The following PTPRG variants were observed in gnomAD, a reference collection of about 807,000 sequenced individuals.
PTPRG encodes the protein receptor-type tyrosine-protein phosphatase gamma.
Under a neutral mutation model 165.3 loss-of-function variants are expected in PTPRG, and 102 were observed. The observed-to-expected ratio is 0.62, with a 90% CI of 0.53 to 0.73. The LOEUF (loss-of-function observed/expected upper bound fraction) is 0.73, where lower values mean the gene tolerates loss of function less well. Among genes scored for constraint, PTPRG ranks in the 30% least tolerant of loss-of-function variants. The probability of loss-of-function intolerance (pLI) is 0.00; values close to 1 mark genes in which losing one functional copy is unlikely to be tolerated. For missense variants in PTPRG, 1,866 were observed against 1,861.4 expected (o/e 1.00, Z -0.05); for synonymous variants, 675 against 669.5 (o/e 1.01, Z -0.13).
At chr3:61,772,665 T>C (rs1366011397) in intron 2 of PTPRG, among the ~76,000 whole-genome samples, 1 of 152,152 alleles carries the variant, frequency 6.6e-6, no homozygotes, top group Non-Finnish European at 1.5e-5. Context: ...AAAATCCATG[T>C]TTTTAAAAAT....
At chr3:61,725,493 C>A (rs74425441) in intron 1 of PTPRG, among the ~76,000 whole-genome samples, 1 of 152,148 alleles carries the variant, frequency 6.6e-6, no homozygotes. Context: ...TGCCTTTGCA[C>A]CTTTGTCAAA....
chr3:61,964,888 C>T (rs1382003222), intron 2 of PTPRG, among the ~76,000 whole-genome samples: 1 of 152,032 alleles, frequency 6.6e-6, no homozygotes, highest in Non-Finnish European at 1.5e-5. Flanking sequence ...AGATTAGTAT[C>T]TCTTTGAATT....
intron 1 of PTPRG, chr3:61,659,348 A>G (rs1378381593): frequency 1.9e-5 from 19 of 985,134 alleles, no homozygotes; most frequent in Non-Finnish European, 2.3e-5. Flanking sequence ...TTCTTGTTCA[A>G]TTTTCGGGAG....
chr3:62,012,166 A>T (rs4688278), intron 4 of PTPRG, among the ~76,000 whole-genome samples: 2 of 152,102 alleles, frequency 1.3e-5, no homozygotes, highest in African/African-American at 4.8e-5. Context: ...CTTCATGTCA[A>T]CCTTGTGAGA....
intron 1 of PTPRG, among the ~76,000 whole-genome samples, chr3:61,737,951 C>A (rs369193553): frequency 2.0e-5 from 3 of 150,472 alleles, no homozygotes; most frequent in Admixed American, 2.0e-4. Context: ...CTCTGTCGCC[C>A]AGGCTGGAGT....
At chr3:61,970,210 T>C (rs952004601) in intron 2 of PTPRG, among the ~76,000 whole-genome samples, 1 of 151,982 alleles carries the variant, frequency 6.6e-6, no homozygotes, top group Admixed American at 6.5e-5. Context: ...GGTAGCTTTT[T>C]GGATGGCATT....
chr3:61,778,311 C>A (rs1037813303), intron 2 of PTPRG, among the ~76,000 whole-genome samples: 1 of 152,102 alleles, frequency 6.6e-6, no homozygotes, highest in African/African-American at 2.4e-5. Context: ...TTATTGGCCA[C>A]TTGGTGTTCA....
intron 4 of PTPRG, among the ~76,000 whole-genome samples, chr3:62,062,725 A>G (rs955632654): frequency 3.9e-5 from 6 of 152,036 alleles, no homozygotes; most frequent in Admixed American, 1.3e-4. Context: ...CTGGTGGGCA[A>G]TCATGGCTCA....
At chr3:61,802,499 G>T (rs1462183583) in intron 2 of PTPRG, among the ~76,000 whole-genome samples, 1 of 152,214 alleles carries the variant, frequency 6.6e-6, no homozygotes, top group Admixed American at 6.5e-5. Flanking sequence ...TTGTCAAACA[G>T]TTATGCCGGT....
At chr3:61,582,867 C>G (rs924378541) in intron 1 of PTPRG, among the ~76,000 whole-genome samples, 1 of 152,164 alleles carries the variant, frequency 6.6e-6, no homozygotes, top group Non-Finnish European at 1.5e-5. Flanking sequence ...CAAAAAGTCC[C>G]TAAAGCAATG....
At chr3:61,949,453 T>A (rs959566958) in intron 2 of PTPRG, among the ~76,000 whole-genome samples, 18 of 152,144 alleles carry the variant, frequency 1.2e-4, no homozygotes, top group African/African-American at 4.3e-4. Flanking sequence ...GCATTGGTGG[T>A]GGAGAAACCA....
At chr3:62,247,596 C>T (rs1426771150) in intron 15 of PTPRG, among the ~76,000 whole-genome samples, 6 of 152,050 alleles carry the variant, frequency 3.9e-5, no homozygotes, top group South Asian at 2.1e-4. Context: ...TCTTTTCCTT[C>T]CTGAGAGAAA....
At chr3:62,292,849 T>TC (rs1370861517) in intron 29 of PTPRG, 9 of 474,368 alleles carry the variant, frequency 1.9e-5, no homozygotes, top group African/African-American at 1.8e-4. Flanking sequence ...AGGATAGTAT[T>TC]CTCTGGTTAT....
Position 61,785,474 on chromosome 3 carries a change from C to T in PTPRG, c.190+36492C>T, listed in dbSNP as rs1023578077. Among the ~76,000 whole-genome samples, 4 of 151,980 alleles carry T rather than the reference C, an allele frequency of 2.6e-5. No individual in the cohort carries two copies. In the East Asian group the frequency reaches 7.7e-4, roughly 29 times the overall value. ...TAGATAATTCAGGCTAATTAAAGACCTTCCCAAATCCTTAGATCTTCATTA... is the reference window on the plus strand; with the variant it reads ...TAGATAATTCAGGCTAATTAAAGACTTTCCCAAATCCTTAGATCTTCATTA... On this transcript the variant is annotated intron_variant, in intron 2 of 29. Transcript: ENST00000474889.
intron 1 of PTPRG, among the ~76,000 whole-genome samples, chr3:61,678,664 G>C (rs962318624): frequency 2.6e-5 from 4 of 152,018 alleles, no homozygotes; most frequent in African/African-American, 7.3e-5. Context: ...AGGCGTCTCC[G>C]CTTGGCATCT....
intron 1 of PTPRG, among the ~76,000 whole-genome samples, chr3:61,720,447 T>A (rs978387374): frequency 2.0e-5 from 3 of 152,186 alleles, no homozygotes; most frequent in African/African-American, 7.2e-5. Flanking sequence ...AAACTCGTAT[T>A]TAATTGTAAC....
At chr3:61,914,998 A>G (rs1357388420) in intron 2 of PTPRG, among the ~76,000 whole-genome samples, 3 of 152,370 alleles carry the variant, frequency 2.0e-5, no homozygotes, top group African/African-American at 2.4e-5. Context: ...TGGGAGGCCA[A>G]GGCGGGCGGA....
chr3:61,888,008 G>A (rs1363871548), intron 2 of PTPRG, among the ~76,000 whole-genome samples: 1 of 152,128 alleles, frequency 6.6e-6, no homozygotes, highest in Non-Finnish European at 1.5e-5. Context: ...CAAACATAGA[G>A]CCAAAGTCAA....
intron 16 of PTPRG, among the ~76,000 whole-genome samples, chr3:62,257,957 C>G (rs529411263): frequency 7.2e-5 from 11 of 152,198 alleles, no homozygotes; most frequent in African/African-American, 2.6e-4. Flanking sequence ...GAGCAAGACC[C>G]TGTCTCAGGA....
Sources: allele counts gnomAD v4.1 joint callset (sites outside exome capture counted in the v4.1 genomes callset), GRCh38; gene constraint gnomAD v4.1.1; transcripts MANE v1.5; gene names NCBI Gene and HGNC (gene_info 2026-07-23, HGNC 2026-07-21).